Variants in UBE2G1 observed in about 807,000 individuals in gnomAD.
The protein encoded by UBE2G1 is ubiquitin conjugating enzyme E2 G1, also known as ubiquitin-conjugating enzyme E2 G1.
A neutral mutation model predicts 22.7 loss-of-function variants in UBE2G1; 5 were observed. The ratio of observed to expected loss-of-function variants is 0.22; its 90% CI spans 0.12 to 0.46. UBE2G1 has a LOEUF of 0.46. UBE2G1 is among the 20% of genes least tolerant of loss of function. The pLI is 0.99. For synonymous variants in UBE2G1, 74 were observed against 67.5 expected (o/e 1.10, Z -0.47); for missense variants, 88 against 203.9 (o/e 0.43, Z 3.46).
chr17:4,357,999 A>G (rs1969926923), intron 1 of UBE2G1, among the ~76,000 whole-genome samples: 1 of 152,126 alleles, frequency 6.6e-6, no homozygotes, highest in Non-Finnish European at 1.5e-5. Context: ...TGTCTCTTAA[A>G]AAAGAAAAAA....
At chr17:4,312,553 G>A (rs1234481060) in intron 1 of UBE2G1, among the ~76,000 whole-genome samples, 11 of 151,664 alleles carry the variant, frequency 7.3e-5, no homozygotes, top group Admixed American at 1.3e-4. Flanking sequence ...AAAATTAGCC[G>A]GGCGTGGTGG....
intron 4 of UBE2G1, among the ~76,000 whole-genome samples, chr17:4,287,844 G>A (rs1051342487): frequency 2.0e-5 from 3 of 152,022 alleles, no homozygotes; most frequent in Non-Finnish European, 2.9e-5. Flanking sequence ...AAATAAAACA[G>A]AGGTTCCTAG....
intron 3 of UBE2G1, among the ~76,000 whole-genome samples, 153 bp downstream of exon 3, chr17:4,296,564 T>C (rs904887161): frequency 6.6e-6 from 1 of 152,128 alleles, no homozygotes; most frequent in Non-Finnish European, 1.5e-5. Flanking sequence ...TCTCCTCCTT[T>C]TAAAGGTTTT....
intron 3 of UBE2G1, among the ~76,000 whole-genome samples, chr17:4,291,260 TG>T (rs1382460906): frequency 1.4e-5 from 2 of 145,946 alleles, no homozygotes; most frequent in African/African-American, 5.1e-5. Context: ...CTTGGGAGGC[TG>T]GGGCAGGAGA....
intron 2 of UBE2G1, among the ~76,000 whole-genome samples, chr17:4,298,562 G>T (rs1398686338): frequency 6.6e-6 from 1 of 152,130 alleles, no homozygotes; most frequent in East Asian, 1.9e-4. Context: ...AAAAGAGACA[G>T]ATCATTAACA....
Position 4,355,642 on chromosome 17 carries a change from CAAAAAAAAA to C in UBE2G1, c.46+10620_46+10628del, listed in dbSNP as rs57087475. Among the ~76,000 whole-genome samples, 9 of 101,990 alleles carry C rather than the reference CAAAAAAAAA, an allele frequency of 8.8e-5. 1 individual carries two copies. The highest frequency in any genetic ancestry group is 3.2e-4 in the African/African-American group (9 of 28,280). The allele number at this position is 101,990 out of a possible 152,430, so 66.9% of individuals were successfully genotyped here. On this transcript the variant is annotated intron_variant, in intron 1 of 5. Transcript: ENST00000396981. ...GGGCAACAAGAGTGAAACTCCATCT[CAAAAAAAAA>C]AAAGAAAAAAAAAATTCATTTACTA...
chr17:4,321,871 G>A (rs749852728), intron 1 of UBE2G1, among the ~76,000 whole-genome samples: 17 of 152,148 alleles, frequency 1.1e-4, no homozygotes, highest in African/African-American at 2.9e-4. Context: ...ATTAGTGTGC[G>A]ATTCAAATGT....
At chr17:4,289,004 C>A (rs1196014736) in intron 4 of UBE2G1, among the ~76,000 whole-genome samples, 1 of 151,798 alleles carries the variant, frequency 6.6e-6, no homozygotes, top group Non-Finnish European at 1.5e-5. Context: ...TGTGCCACTG[C>A]ACTCCAGCCT....
chr17:4,315,853 C>G (rs1438870884), intron 1 of UBE2G1, among the ~76,000 whole-genome samples: 6 of 128,970 alleles, frequency 4.7e-5, no homozygotes, highest in African/African-American at 1.8e-4. Context: ...GTAGCCCAGG[C>G]TGGAGTGCAG....
intron 1 of UBE2G1, among the ~76,000 whole-genome samples, chr17:4,330,029 A>C (rs1017212141): frequency 3.9e-5 from 6 of 152,170 alleles, no homozygotes; most frequent in African/African-American, 1.4e-4. Flanking sequence ...TAGACTACCC[A>C]GAGCCATGAG....
In UBE2G1 at chr17:4,282,321, G is replaced by A. The variant is rs780215193; in HGVS notation, c.*37+477C>T. Among the ~76,000 whole-genome samples the A allele has an allele frequency of 7.7e-4, 118 of 152,278 alleles. 1 individual carries two copies. The highest frequency in any genetic ancestry group is 3.4e-3 in the Middle Eastern group (1 of 294). On this transcript the variant is annotated intron_variant, in intron 5 of 5. Transcript: ENST00000396981. ...TAGTCTCAAACCCCTGATCTCAGGTGTTCCACCCGCCTCGGCTTCCCAAAG... is the reference window on the plus strand; with the variant it reads ...TAGTCTCAAACCCCTGATCTCAGGTATTCCACCCGCCTCGGCTTCCCAAAG...
intron 1 of UBE2G1, among the ~76,000 whole-genome samples, chr17:4,319,048 T>C (rs973052904): frequency 6.6e-6 from 1 of 152,168 alleles, no homozygotes. Context: ...GAAATCATAC[T>C]TCTAATGAAA....
intron 1 of UBE2G1, among the ~76,000 whole-genome samples, chr17:4,337,690 GA>G (rs531211356): frequency 2.1e-3 from 318 of 151,114 alleles, no homozygotes; most frequent in African/African-American, 7.2e-3. Flanking sequence ...AAAAAGAAGA[GA>G]AAAAAATCTT....
intron 4 of UBE2G1, among the ~76,000 whole-genome samples, chr17:4,284,819 CTTTTCTTTTCTTTTCTTTCTTTTTT>C (rs1968939960): frequency 1.8e-5 from 1 of 56,658 alleles, no homozygotes; most frequent in Non-Finnish European, 3.2e-5. Flanking sequence ...TTTTCTTTTT[CTTTTCTTTTCTTTTCTTTCTTTTTT>C]TTTTTTTTTT....
At chr17:4,316,710 C>A (rs549132236) in intron 1 of UBE2G1, among the ~76,000 whole-genome samples, 1 of 152,026 alleles carries the variant, frequency 6.6e-6, no homozygotes, top group East Asian at 1.9e-4. Context: ...TTTGGCCAGG[C>A]ACAGTGGCTC....
intron 1 of UBE2G1, among the ~76,000 whole-genome samples, chr17:4,321,725 T>C (rs1969440886): frequency 6.6e-6 from 1 of 152,034 alleles, no homozygotes; most frequent in Non-Finnish European, 1.5e-5. Flanking sequence ...ACTCCTGAGC[T>C]CGCCCCCCAA....
At chr17:4,342,614 A>G (rs1381603472) in intron 1 of UBE2G1, among the ~76,000 whole-genome samples, 1 of 152,128 alleles carries the variant, frequency 6.6e-6, no homozygotes, top group Non-Finnish European at 1.5e-5. Context: ...TCCACCAGCA[A>G]ATTCCAACAG....
chr17:4,311,359 A>C (rs904332498), intron 1 of UBE2G1, among the ~76,000 whole-genome samples: 1 of 152,256 alleles, frequency 6.6e-6, no homozygotes, highest in Non-Finnish European at 1.5e-5. Context: ...CAAGTTGTAC[A>C]TGAATGTCTG....
intron 1 of UBE2G1, among the ~76,000 whole-genome samples, chr17:4,324,067 C>T (rs1008715513): frequency 6.6e-5 from 10 of 152,176 alleles, no homozygotes; most frequent in African/African-American, 2.4e-4. Context: ...AATGCATCTT[C>T]GCAACGGAGA....
Sources: gnomAD v4.1 joint callset for allele counts (sites outside exome capture counted in the v4.1 genomes callset) on GRCh38, gnomAD v4.1.1 for gene constraint, MANE v1.5 for transcripts, NCBI Gene and HGNC (gene_info 2026-07-23, HGNC 2026-07-21) for gene names.